The following FADS2 variants were observed in gnomAD, a reference collection of about 807,000 sequenced individuals.
FADS2 encodes the protein acyl-CoA 6-desaturase.
FADS2 carries 18 observed loss-of-function variants against 61.2 expected under a neutral mutation model. The ratio of observed to expected loss-of-function variants is 0.29; its 90% CI spans 0.20 to 0.44. The LOEUF (loss-of-function observed/expected upper bound fraction) is 0.44, where lower values mean the gene tolerates loss of function less well. Ranked by LOEUF, FADS2 falls within the 20% of genes least tolerant of loss-of-function variation. The probability of loss-of-function intolerance (pLI) is 1.00; values close to 1 mark genes in which losing one functional copy is unlikely to be tolerated. For synonymous variants in FADS2, 203 were observed against 223.9 expected (o/e 0.91, Z 0.83); for missense variants, 322 against 572.7 (o/e 0.56, Z 4.47).
chr11:61,849,604 A>AG (rs2067288962), intron 5 of FADS2: 3 of 152,092 alleles, frequency 2.0e-5, no homozygotes, highest in Admixed American at 2.0e-4. Context: ...AGAAAAAAAA[A>AG]GTGAGTCTCT....
At chr11:61,859,336 C>T (rs780319766) in intron 7 of FADS2, among the ~76,000 whole-genome samples, 58 of 152,190 alleles carry the variant, frequency 3.8e-4, no homozygotes, top group Admixed American at 5.2e-4. Flanking sequence ...GGATTACAGG[C>T]GTGAGCCACC....
upstream of FADS2, among the ~76,000 whole-genome samples, chr11:61,824,109 C>T (rs908551330): frequency 2.0e-5 from 3 of 150,914 alleles, no homozygotes; most frequent in Admixed American, 6.6e-5. Flanking sequence ...CCGCTGGGTG[C>T]GGTGGCTTAT....
Position 61,857,112 on chromosome 11 carries a change from C to G in FADS2, c.805+41C>G, listed in dbSNP as rs749568390. 3.0e-5 allele frequency: 46 copies of G among 1,539,862 alleles called. No homozygotes were observed. In the Middle Eastern group the frequency reaches 6.8e-4, roughly 23 times the overall value. On this transcript the variant is annotated intron_variant, in intron 6 of 11. Coordinates refer to ENST00000278840, the MANE Select transcript of FADS2 (RefSeq NM_004265.4). ...CCCGAAATCACTCTGGGACCCTCCC[C>G]TCCCCCCAGAGTGGCGTGTCTCTCC...
At chr11:61,858,829 C>T (rs1029437362) in intron 7 of FADS2, among the ~76,000 whole-genome samples, 1 of 152,156 alleles carries the variant, frequency 6.6e-6, no homozygotes, top group African/African-American at 2.4e-5. Flanking sequence ...GTGATCCACC[C>T]GCCTTGGCCT....
chr11:61,863,613 C>A, intron 9 of FADS2, 94 bp from the exon 10 acceptor site: 1 of 1,067,826 alleles, frequency 9.4e-7, no homozygotes, highest in Admixed American at 1.9e-5. Flanking sequence ...GGACGGGTGG[C>A]CTGGAGACCC....
chr11:61,863,587 C>T (rs2067435630), intron 9 of FADS2, 120 bp from the exon 10 acceptor site: 1 of 865,092 alleles, frequency 1.2e-6, no homozygotes, highest in Non-Finnish European at 1.9e-6. Flanking sequence ...GGCCATCAGG[C>T]AGGACGGTAT....
intron 4 of FADS2, among the ~76,000 whole-genome samples, chr11:61,842,942 C>T (rs182250582): frequency 6.6e-6 from 1 of 152,340 alleles, no homozygotes; most frequent in Admixed American, 6.5e-5. Flanking sequence ...TTACCAGGTG[C>T]TGTGAGAGGC....
At chr11:61,822,061 C>T (rs1359134379) in intron 1 of FADS2, among the ~76,000 whole-genome samples, 1 of 152,150 alleles carries the variant, frequency 6.6e-6, no homozygotes, top group Non-Finnish European at 1.5e-5. Flanking sequence ...CCTCCGCCTC[C>T]AGGGCTCACG....
rs1194098730 is a variant in FADS2 at position 61,845,236 on chromosome 11, CGTGGA to C, written c.619-2922_619-2918del. On this transcript the variant is annotated intron_variant, in intron 4 of 11. Transcript: ENST00000278840. Reference sequence around the variant, plus strand: ...TCTGCCTGGCCAACTTCTCCAGCTGCGTGGACACTTAGCTTTCCTGGCCCCAGCTC... The same window carrying C: ...TCTGCCTGGCCAACTTCTCCAGCTGCCACTTAGCTTTCCTGGCCCCAGCTC... Among the ~76,000 whole-genome samples the C allele has an allele frequency of 1.3e-3, 194 of 151,980 alleles. 5 individuals are homozygous for C. The highest frequency in any genetic ancestry group is 0.011 in the Admixed American group (165 of 15,258).
intron 4 of FADS2, among the ~76,000 whole-genome samples, chr11:61,840,978 A>G (rs1329163363): frequency 6.6e-6 from 1 of 151,912 alleles, no homozygotes; most frequent in Non-Finnish European, 1.5e-5. Flanking sequence ...GGCTCAGCGG[A>G]TTGTATTTTT....
Position 61,828,595 on chromosome 11 carries a change from A to G in FADS2, c.205A>G (p.Thr69Ala). 1 of 1,613,150 alleles carries G rather than the reference A, an allele frequency of 6.2e-7. No individual in the cohort carries two copies. The highest frequency in any genetic ancestry group is 8.5e-7 in the Non-Finnish European group (1 of 1,179,594). ...CGGGCACTACGCTGGAGAAGATGCAACGGTAAGGGTCTGGGGGCGCCCCAG... is the reference window on the plus strand; with the variant it reads ...CGGGCACTACGCTGGAGAAGATGCAGCGGTAAGGGTCTGGGGGCGCCCCAG... ...VIGHYAGEDA[T>A]DAFRAFHPDL... Residue 69 changes from threonine (T) to alanine (A), a missense_variant and splice_region_variant, in exon 1 of 12, where the codon ACG becomes GCG. By Grantham distance (58) the Thr-to-Ala change is moderately conservative (BLOSUM62 0). Transcript: ENST00000278840. The surrounding 1 kb of genome is among the most constrained non-coding windows in gnomAD (Gnocchi z 6.4).
At chr11:61,857,378 G>A (rs1446843272) in intron 6 of FADS2, 76 bp from the exon 7 acceptor site, 1 of 1,349,364 alleles carries the variant, frequency 7.4e-7, no homozygotes, top group Admixed American at 1.7e-5. Context: ...ACTCAGTGCT[G>A]GGCCTGGGTT....
In FADS2 at chr11:61,865,373, C is replaced by A. The variant is rs2067459493; in HGVS notation, c.1283+96C>A. 1.4e-6 allele frequency: 2 copies of A among 1,448,238 alleles called. No homozygotes were observed. Among genetic ancestry groups the A allele is most frequent in the Admixed American group, 4.1e-5 (2 of 48,204 alleles). The allele number at this position is 1,448,238 out of a possible 1,614,324, so 89.7% of individuals were successfully genotyped here. On this transcript the variant is annotated intron_variant, in intron 11 of 11. Coordinates refer to ENST00000278840, the MANE Select transcript of FADS2 (RefSeq NM_004265.4). The surrounding 1 kb of genome is among the most constrained non-coding windows in gnomAD (Gnocchi z 4.1). ...GGGCTGGGCCCTCCTGGCACAGTCA[C>A]CCACCAGGGCACCTGCCTTACTCCC...
intron 7 of FADS2, chr11:61,862,537 C>CATTAAA: frequency 3.0e-5 from 6 of 199,318 alleles, no homozygotes; most frequent in South Asian, 9.0e-5. Flanking sequence ...CCCTACCCCT[C>CATTAAA]CAAGCCCTCT....
chr11:61,840,276 T>C, intron 2 of FADS2, 58 bp from the exon 3 acceptor site: 1 of 1,409,998 alleles, frequency 7.1e-7, no homozygotes, highest in Non-Finnish European at 1.0e-6. Flanking sequence ...GCTCGAGACA[T>C]ATGTTCCCTC....
intron 7 of FADS2, among the ~76,000 whole-genome samples, chr11:61,860,574 C>G (rs1439734909): frequency 6.6e-6 from 1 of 152,234 alleles, no homozygotes; most frequent in Non-Finnish European, 1.5e-5. Flanking sequence ...CTCTTGGGCT[C>G]TCTGCCCCTG....
intron 4 of FADS2, among the ~76,000 whole-genome samples, chr11:61,841,320 G>T (rs918920649): frequency 3.9e-5 from 6 of 152,080 alleles, no homozygotes; most frequent in Non-Finnish European, 7.4e-5. Context: ...AAAGTGCTGG[G>T]ATTACAGGTG....
chr11:61,863,820 C>T (rs772230025), intron 10 of FADS2, 34 bp downstream of exon 10: 5 of 1,563,458 alleles, frequency 3.2e-6, no homozygotes, highest in Non-Finnish European at 4.4e-6. Flanking sequence ...CGGGGAGACC[C>T]ACAGCGGGAG....
At chr11:61,863,561 C>T (rs1289194947) in intron 9 of FADS2, 146 bp from the exon 10 acceptor site, 2 of 765,954 alleles carry the variant, frequency 2.6e-6, no homozygotes, top group East Asian at 5.3e-5. Flanking sequence ...ACAGGTGGGG[C>T]ATCTGGGTGG....
Sources: allele counts gnomAD v4.1 joint callset (sites outside exome capture counted in the v4.1 genomes callset), GRCh38; gene constraint gnomAD v4.1.1; non-coding constraint Gnocchi (gnomAD v3.1); transcripts MANE v1.5; gene names NCBI Gene and HGNC (gene_info 2026-07-23, HGNC 2026-07-21).